Variants in UGT2B4 observed in about 807,000 individuals in gnomAD.
The protein encoded by UGT2B4 is UDP glucuronosyltransferase family 2 member B4.
Under a neutral mutation model 49.8 loss-of-function variants are expected in UGT2B4, and 49 were observed. That is an observed-to-expected ratio of 0.98 (90% CI 0.78 to 1.25). The LOEUF (loss-of-function observed/expected upper bound fraction) is 1.25. UGT2B4 is among the 50% of genes most tolerant of loss of function. UGT2B4 has a pLI of 0.00. For synonymous variants in UGT2B4, 246 were observed against 217.7 expected, an observed-to-expected ratio of 1.13 and a Z score of -1.14; for missense variants, 729 against 627.7, an observed-to-expected ratio of 1.16 and a Z score of -1.73.
upstream of UGT2B4, among the ~76,000 whole-genome samples, chr4:69,500,517 AAAGAAAGAAAGAAAG>A (rs1339465139): frequency 2.7e-5 from 4 of 147,682 alleles, no homozygotes; most frequent in African/African-American, 7.5e-5. Context: ...GGAAGGAAGG[AAAGAAAGAAAGAAAG>A]AAGAAAGAAA....
At chr4:69,487,822 T>C (rs1444530955) in intron 3 of UGT2B4, among the ~76,000 whole-genome samples, 1 of 152,110 alleles carries the variant, frequency 6.6e-6, no homozygotes, top group Non-Finnish European at 1.5e-5. Flanking sequence ...GTAGTCATAA[T>C]TCTAGTGTGA....
At chr4:69,504,712 C>A (rs1422461521) in intron 1 of UGT2B4, among the ~76,000 whole-genome samples, 6 of 152,048 alleles carry the variant, frequency 3.9e-5, no homozygotes. Flanking sequence ...CCCTACCTAG[C>A]TAGAGAGACC....
intron 1 of UGT2B4, among the ~76,000 whole-genome samples, chr4:69,509,494 TTG>T (rs986140765): frequency 2.6e-5 from 4 of 152,228 alleles, no homozygotes; most frequent in East Asian, 1.9e-4. Context: ...AAGCCAACAA[TTG>T]TGTGTGTGTT....
chr4:69,489,582 A>G lies in UGT2B4; in HGVS notation c.871-12T>C. On this transcript the variant is annotated splice_polypyrimidine_tract_variant and intron_variant, in intron 2 of 5. Transcript: ENST00000305107. ...AACTCTTCCATTTCCTGTGAAAAAA[A>G]AGAATTTGTTCTATCATAATAGATT... The G allele has an allele frequency of 6.2e-7, 1 of 1,600,758 alleles. No individual in the cohort carries two copies. The highest frequency in any genetic ancestry group is 1.7e-4 in the Middle Eastern group (1 of 5,972).
Position 69,493,851 on chromosome 4 carries a change from G to GA in UGT2B4, c.722-11dup, listed in dbSNP as rs568544786. 3.8e-4 allele frequency: 581 copies of GA among 1,542,444 alleles called. No individual in the cohort carries two copies. The highest frequency in any genetic ancestry group is 1.3e-3 in the Admixed American group (60 of 47,248). ...AACGTAGTGGGTCTTCCTGATGGGGGAAAAAAAAAGAAAAGATAGATGACA... is the reference window on the plus strand; with the variant it reads ...AACGTAGTGGGTCTTCCTGATGGGGGAAAAAAAAAAGAAAAGATAGATGACA... On this transcript the variant is annotated splice_polypyrimidine_tract_variant and intron_variant, in intron 1 of 5. Transcript: ENST00000305107.
chr4:69,482,873 C>CT (rs910991127), intron 5 of UGT2B4, among the ~76,000 whole-genome samples: 306 of 146,778 alleles, frequency 2.1e-3, no homozygotes, highest in African/African-American at 5.8e-3. Flanking sequence ...CCCAAAGTGT[C>CT]TTTTTTTTTT....
chr4:69,500,606 G>C (rs144765946), upstream of UGT2B4, among the ~76,000 whole-genome samples: 69 of 99,590 alleles, frequency 6.9e-4, 1 homozygote, highest in African/African-American at 2.4e-3. Flanking sequence ...AGAAAGCAAG[G>C]AAGAAAGAAA....
At chr4:69,519,993 C>T (rs188176386) in intron 1 of UGT2B4, among the ~76,000 whole-genome samples, 3 of 152,184 alleles carry the variant, frequency 2.0e-5, no homozygotes, top group Admixed American at 2.0e-4. Context: ...TAGTATCTCA[C>T]AAATAAACAC....
intron 1 of UGT2B4, among the ~76,000 whole-genome samples, chr4:69,510,066 T>C (rs1728569429): frequency 6.6e-6 from 1 of 152,160 alleles, no homozygotes; most frequent in Non-Finnish European, 1.5e-5. Context: ...TATTTATCTT[T>C]TGTGGATATC....
At chr4:69,493,552 A>G (rs372262041) in intron 2 of UGT2B4, 141 bp downstream of exon 2, 4 of 977,050 alleles carry the variant, frequency 4.1e-6, no homozygotes, top group East Asian at 2.9e-5. Context: ...TAGTATCAAC[A>G]TGTACGTCAG....
intron 3 of UGT2B4, among the ~76,000 whole-genome samples, chr4:69,487,866 CT>C (rs1295010528): frequency 6.6e-6 from 1 of 151,818 alleles, no homozygotes; most frequent in Non-Finnish European, 1.5e-5. Context: ...GACCTATATG[CT>C]TTTTTAATGT....
chr4:69,485,523 A>G, intron 4 of UGT2B4, 96 bp from the exon 5 acceptor site: 4 of 1,510,778 alleles, frequency 2.6e-6, no homozygotes, highest in Non-Finnish European at 2.7e-6. Context: ...CCTAGATAAC[A>G]CACTGAACTG....
chr4:69,499,943 C>T (rs555144546), upstream of UGT2B4, among the ~76,000 whole-genome samples: 3 of 152,262 alleles, frequency 2.0e-5, no homozygotes, highest in South Asian at 6.2e-4. Flanking sequence ...GATACATGCA[C>T]ACATATGTTC....
At chr4:69,495,058 T>G (rs1728104226) in intron 1 of UGT2B4, 83 bp downstream of exon 1, 11 of 1,330,356 alleles carry the variant, frequency 8.3e-6, no homozygotes, top group Non-Finnish European at 1.1e-5. Flanking sequence ...CCCACTACCC[T>G]GACTTTATGG....
chr4:69,485,945 G>A (rs1460828978), intron 4 of UGT2B4, among the ~76,000 whole-genome samples: 1 of 152,020 alleles, frequency 6.6e-6, no homozygotes, highest in African/African-American at 2.4e-5. Context: ...TATTTTAATA[G>A]AGACAGAGTT....
chr4:69,483,239 T>C (rs1173934987), intron 5 of UGT2B4, among the ~76,000 whole-genome samples: 2 of 151,770 alleles, frequency 1.3e-5, no homozygotes, highest in Non-Finnish European at 2.9e-5. Context: ...TTATACTCTT[T>C]ATGATATTGA....
At position 69,482,500 on chromosome 4, in the gene UGT2B4, T is replaced by C. The variant is rs41297729; in HGVS notation, c.1311-1590A>G. 8.7e-3 allele frequency among the ~76,000 whole-genome samples: 1,329 copies of C among 152,298 alleles called. 14 individuals are homozygous for C. Among genetic ancestry groups the C allele is most frequent in the African/African-American group, 0.03 (1,247 of 41,562 alleles). On this transcript the variant is annotated intron_variant, in intron 5 of 5. Transcript: ENST00000305107. ...AGAAGAACTCTCTTTTCCTGGACCA[T>C]TTTAGTCACTGCTTTTGTCCTCCAA... is the stretch of plus-strand genomic sequence containing the variant.
intron 1 of UGT2B4, among the ~76,000 whole-genome samples, chr4:69,517,264 A>T (rs1465225404): frequency 6.6e-6 from 1 of 152,140 alleles, no homozygotes; most frequent in Non-Finnish European, 1.5e-5. Context: ...CATCCTGGGA[A>T]ATATTTCAAT....
At chr4:69,505,022 G>A (rs1446068156) in intron 1 of UGT2B4, among the ~76,000 whole-genome samples, 1 of 152,060 alleles carries the variant, frequency 6.6e-6, no homozygotes, top group Admixed American at 6.6e-5. Flanking sequence ...AAGGCTGAAG[G>A]AATCTGTTAC....
Sources: gnomAD v4.1 joint callset for allele counts (sites outside exome capture counted in the v4.1 genomes callset) on GRCh38, gnomAD v4.1.1 for gene constraint, MANE v1.5 for transcripts, NCBI Gene and HGNC (gene_info 2026-07-23, HGNC 2026-07-21) for gene names.